CASZ1: variants seen among roughly 807,000 people sequenced by gnomAD.
CASZ1 encodes the protein castor zinc finger 1.
A neutral mutation model predicts 135.2 loss-of-function variants in CASZ1; 28 were observed. That is an observed-to-expected ratio of 0.21 (90% CI 0.15 to 0.28). The LOEUF (loss-of-function observed/expected upper bound fraction) is 0.28. Among genes scored for constraint, CASZ1 ranks in the 10% least tolerant of loss-of-function variants. The pLI is 1.00. For synonymous variants in CASZ1, 1,068 were observed against 1,073.4 expected (o/e 0.99, Z 0.10); for missense variants, 2,161 against 2,453.3 (o/e 0.88, Z 2.52).
chr1:10,690,451 T>C (rs1638728522), intron 4 of CASZ1, among the ~76,000 whole-genome samples: 1 of 152,172 alleles, frequency 6.6e-6, no homozygotes, highest in African/African-American at 2.4e-5. Context: ...CTACTGAGAA[T>C]CAGGAAAATG....
chr1:10,748,973 G>A (rs1640099290), intron 2 of CASZ1, among the ~76,000 whole-genome samples: 2 of 152,186 alleles, frequency 1.3e-5, no homozygotes, highest in South Asian at 4.1e-4. Flanking sequence ...GTCTTTGGGG[G>A]TCAGGTTGCA....
chr1:10,688,321 T>C (rs1226332319), intron 4 of CASZ1, among the ~76,000 whole-genome samples: 1 of 152,100 alleles, frequency 6.6e-6, no homozygotes, highest in Admixed American at 6.5e-5. Flanking sequence ...AAAGGTTGCA[T>C]GGGGCAAGAA....
intron 1 of CASZ1, among the ~76,000 whole-genome samples, chr1:10,787,859 A>C (rs529971378): frequency 6.6e-6 from 1 of 152,186 alleles, no homozygotes; most frequent in African/African-American, 2.4e-5. Flanking sequence ...CGGCTCAGGC[A>C]CCAGCCTTCA....
At chr1:10,668,203 C>T (rs988353821) in intron 4 of CASZ1, among the ~76,000 whole-genome samples, 5 of 152,120 alleles carry the variant, frequency 3.3e-5, no homozygotes, top group African/African-American at 7.2e-5. Flanking sequence ...CTAAGCTTTC[C>T]GCCGCCTTCC....
chr1:10,659,765 T>G lies in CASZ1; in HGVS notation c.1277A>C (p.Glu426Ala). 1 of 1,613,914 alleles carries G rather than the reference T, an allele frequency of 6.2e-7. No individual in the cohort carries two copies. Among genetic ancestry groups the G allele is most frequent in the Non-Finnish European group, 8.5e-7 (1 of 1,179,904 alleles). The change falls in exon 6 of 21, where the codon GAG becomes GCG. Residue 426 changes from glutamate to alanine, a missense_variant. Physicochemically the swap from Glu to Ala is moderately radical, Grantham distance 107 (BLOSUM62 -1). This residue lies in a region of CASZ1 where 590 missense variants were observed against 609.8 expected (regional missense o/e 0.97). Coordinates refer to ENST00000377022, the MANE Select transcript of CASZ1 (RefSeq NM_001079843.3). ...PPASLSFNTP[E>A]YLKSTFSKTD... is the part of the protein sequence containing the mutation. ...TTTGGAGAAGGTTGACTTCAGGTAC[T>G]CGGGAGTGTTGAAGGACAGGGAGGC... is the stretch of plus-strand genomic sequence containing the variant.
At position 10,647,457 on chromosome 1, in the gene CASZ1, G is replaced by T; in HGVS notation, c.3497+344C>A. 1 of 1,205,066 alleles carries T rather than the reference G, an allele frequency of 8.3e-7. No homozygotes were observed. The highest frequency in any genetic ancestry group is 1.0e-6 in the Non-Finnish European group (1 of 959,336). 74.6% of individuals were successfully genotyped at this position (1,205,066 alleles called of 1,614,324 possible). A position where few individuals can be genotyped will look rare whatever the true frequency, so the allele number is the denominator to read the frequency against. On this transcript the variant is annotated intron_variant, in intron 16 of 20. Coordinates refer to ENST00000377022, the MANE Select transcript of CASZ1 (RefSeq NM_001079843.3). This position sits in a 1 kb window ranked among gnomAD's most constrained non-coding sequence, Gnocchi z 4.9. ...ACAGAGGAGGCCAATACGGAGGCTCGGAGGGAGACGCAGCCCTCCTTGTCA... is the reference window on the plus strand; with the variant it reads ...ACAGAGGAGGCCAATACGGAGGCTCTGAGGGAGACGCAGCCCTCCTTGTCA...
rs1030598059 is a variant in CASZ1, at chr1:10,664,951, C to T, written c.505+132G>A. On this transcript the variant is annotated intron_variant, in intron 5 of 20. Transcript: ENST00000377022. ...TAGTCTCTCCCACTCCAGGAGCCCTCCCTGGGTGGGATGAGGGGCCGGTAT... is the reference window on the plus strand; with the variant it reads ...TAGTCTCTCCCACTCCAGGAGCCCTTCCTGGGTGGGATGAGGGGCCGGTAT... 1.5e-5 allele frequency: 17 copies of T among 1,102,520 alleles called. No homozygotes were observed. The African/African-American group carries it at 2.7e-4, about 18-fold the overall frequency. The allele number at this position is 1,102,520 out of a possible 1,614,324, so 68.3% of individuals were successfully genotyped here. A position where few individuals can be genotyped will look rare whatever the true frequency, so the allele number is the denominator to read the frequency against.
Position 10,653,872 on chromosome 1 carries a change from A to G in CASZ1, c.2185T>C (p.Ser729Pro), listed in dbSNP as rs1570418546. The G allele has an allele frequency of 1.2e-6, 2 of 1,613,048 alleles. No individual in the cohort carries two copies. The highest frequency in any genetic ancestry group is 1.7e-6 in the Non-Finnish European group (2 of 1,179,442). ...CTGGAGTTCTTGCTGCTCAGGGCGG[A>G]GAAGTCAACAAGGTCGTCGTTGCTG... The part of the protein sequence containing the change: ...ESSNDDLVDF[S>P]ALSSKNSSLS... Residue 729 changes from serine to proline, a missense_variant, in exon 11 of 21, where the codon TCC (serine) becomes CCC (proline). By Grantham distance (74) the Ser-to-Pro change is moderately conservative (BLOSUM62 -1). Transcript: ENST00000377022.
Position 10,653,592 on chromosome 1 carries a change from C to T in CASZ1, c.2465G>A (p.Gly822Asp). The change falls in exon 11 of 21, where the codon GGT becomes GAT. Residue 822 changes from glycine (G) to aspartate (D), a missense_variant. By Grantham distance (94) the Gly-to-Asp change is moderately conservative. Coordinates refer to ENST00000377022, the MANE Select transcript of CASZ1 (RefSeq NM_001079843.3). ...GGCTGCTGACCCAGACGACACGGCA[C>T]CCAGGAGGCTGGGGGTGCCCACAGG... is the stretch of plus-strand genomic sequence containing the variant. The part of the protein sequence containing the change: ...SLPVGTPSLL[G>D]AVSSGSAASA... The T allele has an allele frequency of 6.4e-7, 1 of 1,558,888 alleles. No homozygotes were observed. Among genetic ancestry groups the T allele is most frequent in the Non-Finnish European group, 8.7e-7 (1 of 1,150,394 alleles).
chr1:10,711,012 T>C lies in CASZ1; in HGVS notation c.-76-5468A>G, dbSNP rs1639274598. Among the ~76,000 whole-genome samples, 1 of 152,100 alleles carries C rather than the reference T, an allele frequency of 6.6e-6. No individual in the cohort carries two copies. The highest frequency in any genetic ancestry group is 1.5e-5 in the Non-Finnish European group (1 of 67,988). On this transcript the variant is annotated intron_variant, in intron 2 of 20. Transcript: ENST00000377022. This position sits in a 1 kb window ranked among gnomAD's most constrained non-coding sequence, Gnocchi z 4.4. ...CGGGTGTGGTGGTGCACGCCTGTAATCCCAGCTACTCGGGAGGCTGAGGCG... is the reference window on the plus strand; with the variant it reads ...CGGGTGTGGTGGTGCACGCCTGTAACCCCAGCTACTCGGGAGGCTGAGGCG...
At chr1:10,669,797 C>A (rs547976515) in intron 4 of CASZ1, among the ~76,000 whole-genome samples, 2 of 152,106 alleles carry the variant, frequency 1.3e-5, no homozygotes, top group South Asian at 2.1e-4. Context: ...GGGGGCCGGG[C>A]AGGCCTGGCA....
chr1:10,660,189 G>C lies in CASZ1; in HGVS notation c.853C>G (p.Leu285Val). Reference protein sequence around the residue: ...GLRLPSSTAHLETKATILPLP... With the variant: ...GLRLPSSTAHVETKATILPLP... ...GGCAGGATGGTGGCCTTGGTCTCCAGGTGGGCCGTGCTGCTGGGCAGCCGC... is the reference window on the plus strand; with the variant it reads ...GGCAGGATGGTGGCCTTGGTCTCCACGTGGGCCGTGCTGCTGGGCAGCCGC... The change falls in exon 6 of 21, where the codon CTG becomes GTG. Residue 285 changes from leucine to valine, a missense_variant. Transcript: ENST00000377022. The C allele has an allele frequency of 6.2e-7, 1 of 1,613,554 alleles. No individual in the cohort carries two copies.
chr1:10,784,524 G>A (rs879578902), intron 1 of CASZ1, among the ~76,000 whole-genome samples: 1 of 152,146 alleles, frequency 6.6e-6, no homozygotes, highest in Admixed American at 6.5e-5. Context: ...ACACCCTCCA[G>A]TTATCTCCCT....
At chr1:10,649,217 G>GT in intron 14 of CASZ1, 25 bp from the exon 15 acceptor site, 1 of 1,611,886 alleles carries the variant, frequency 6.2e-7, no homozygotes, top group Non-Finnish European at 8.5e-7. Context: ...TGGCGTTAGA[G>GT]GAGAGCCTGG....
intron 1 of CASZ1, among the ~76,000 whole-genome samples, chr1:10,789,705 C>A (rs1483351169): frequency 6.6e-6 from 1 of 151,862 alleles, no homozygotes; most frequent in East Asian, 1.9e-4. Context: ...TTCAATAAAC[C>A]CATCTCTCTT....
chr1:10,787,264 G>A (rs1411144557), intron 1 of CASZ1, among the ~76,000 whole-genome samples: 1 of 152,186 alleles, frequency 6.6e-6, no homozygotes, highest in African/African-American at 2.4e-5. Context: ...AGCCCATCAG[G>A]CCACATCTCG....
In CASZ1 at chr1:10,645,150, C is replaced by CG. The variant is rs2124670687; in HGVS notation, c.3697-63dup. ...GACTTTCAAGAGCTCCTGCCTGCCC[C>CG]GGGCCTGAGGCTGTGGTGGGCCCTT... On this transcript the variant is annotated intron_variant, in intron 17 of 20. Coordinates refer to ENST00000377022, the MANE Select transcript of CASZ1 (RefSeq NM_001079843.3). 3 of 1,494,274 alleles carry CG rather than the reference C, an allele frequency of 2.0e-6. No homozygotes were observed. In the Admixed American group the frequency reaches 5.3e-5, roughly 26 times the overall value. 92.6% of individuals were successfully genotyped at this position (1,494,274 alleles called of 1,614,324 possible). A position where few individuals can be genotyped will look rare whatever the true frequency, so the allele number is the denominator to read the frequency against.
chr1:10,690,162 C>T (rs937729724), intron 4 of CASZ1, among the ~76,000 whole-genome samples: 20 of 152,236 alleles, frequency 1.3e-4, no homozygotes, highest in African/African-American at 4.3e-4. Flanking sequence ...TCCTCCAGTA[C>T]AGCACAGGAA....
In CASZ1 at chr1:10,654,099, T is replaced by A; in HGVS notation, c.1958A>T (p.Glu653Val). 3 of 1,614,212 alleles carry A rather than the reference T, an allele frequency of 1.9e-6. No homozygotes were observed. The highest frequency in any genetic ancestry group is 2.5e-6 in the Non-Finnish European group (3 of 1,180,020). ...GTACACGCAGCCCTCGTACTTGCAC[T>A]CCTCGTACTTGTAGAACTTCTTGAA... Reference protein sequence around the residue: ...DGFKKFYKYEECKYEGCVYSK... With the variant: ...DGFKKFYKYEVCKYEGCVYSK... The change falls in exon 11 of 21, where the codon GAG (glutamate) becomes GTG (valine). Residue 653 changes from glutamate (E) to valine (V), a missense_variant. This residue lies in a region of CASZ1 where 248 missense variants were observed against 410.8 expected (regional missense o/e 0.60). Transcript: ENST00000377022.
Sources: allele counts gnomAD v4.1 joint callset (sites outside exome capture counted in the v4.1 genomes callset), GRCh38; gene constraint gnomAD v4.1.1; regional missense constraint gnomAD v4.1.1; non-coding constraint Gnocchi (gnomAD v3.1); transcripts MANE v1.5; gene names NCBI Gene and HGNC (gene_info 2026-07-23, HGNC 2026-07-21).